Variants in BICRA observed in about 807,000 individuals in gnomAD.
BICRA encodes the protein BRD4 interacting chromatin remodeling complex associated protein, also known as BRD4-interacting chromatin-remodeling complex-associated protein.
A neutral mutation model predicts 96.9 loss-of-function variants in BICRA; 31 were observed. That is an observed-to-expected ratio of 0.32 (90% CI 0.24 to 0.43). The LOEUF is 0.43. Ranked by LOEUF, BICRA falls within the 20% of genes least tolerant of loss-of-function variation. The probability of loss-of-function intolerance (pLI) is 1.00; values close to 1 mark genes in which losing one functional copy is unlikely to be tolerated. For synonymous variants in BICRA, 1,350 were observed against 1,071.8 expected, an observed-to-expected ratio of 1.26 and a Z score of -5.07; for missense variants, 2,283 against 2,190.3, an observed-to-expected ratio of 1.04 and a Z score of -0.84.
At chr19:47,696,233 G>A (rs904144866) in intron 10 of BICRA, among the ~76,000 whole-genome samples, 18 of 152,106 alleles carry the variant, frequency 1.2e-4, no homozygotes, top group African/African-American at 4.3e-4. Context: ...CAGGGCTCCA[G>A]CCTGCCTGTC....
At position 47,680,096 on chromosome 19, in the gene BICRA, G is replaced by A; in HGVS notation, c.926G>A (p.Gly309Asp). ...CTCAATGGGAACTCTGTGTTCGGAG[G>A]CGCGGGGGCCGCCTCGGCTCCCACC... ...TTLNGNSVFG[G>D]AGAASAPTGT... Residue 309 changes from glycine (G) to aspartate (D), a missense_variant, in exon 6 of 15, where the codon GGC becomes GAC. Gly to Asp is a moderately conservative substitution (Grantham distance 94). Transcript: ENST00000594866. 6.4e-7 allele frequency: 1 copy of A among 1,551,504 alleles called. No homozygotes were observed. The highest frequency in any genetic ancestry group is 1.7e-4 in the Middle Eastern group (1 of 5,874).
chr19:47,631,314 G>T lies in BICRA; in HGVS notation c.-108+22146G>T, dbSNP rs529052414. On this transcript the variant is annotated intron_variant, in intron 1 of 14. Transcript: ENST00000594866. ...GCAATCTTGGCTCACTGCAACCTCC[G>T]CCTCCTGGGTTCAAGCAATGCTCCT... Among the ~76,000 whole-genome samples the T allele has an allele frequency of 3.3e-5, 5 of 152,150 alleles. 1 individual carries two copies. In the South Asian group the frequency reaches 8.3e-4, roughly 25 times the overall value.
At chr19:47,628,957 A>G (rs912546728) in intron 1 of BICRA, among the ~76,000 whole-genome samples, 1 of 151,788 alleles carries the variant, frequency 6.6e-6, no homozygotes, top group African/African-American at 2.4e-5. Flanking sequence ...TACTTTTATT[A>G]TGTAACAGAT....
chr19:47,614,140 CTG>C (rs976189967), intron 1 of BICRA, among the ~76,000 whole-genome samples: 17 of 152,004 alleles, frequency 1.1e-4, no homozygotes, highest in Non-Finnish European at 7.4e-5. Context: ...ATCTTTTTCT[CTG>C]TCTGCCTTTT....
chr19:47,652,712 G>A (rs149736770), intron 1 of BICRA, among the ~76,000 whole-genome samples: 78 of 152,178 alleles, frequency 5.1e-4, no homozygotes, highest in African/African-American at 1.8e-3. Flanking sequence ...TTTAGTTTTT[G>A]AGATGGCTAA....
Position 47,694,394 on chromosome 19 carries a change from C to A in BICRA, c.2563C>A (p.Pro855Thr). 1 of 1,105,840 alleles carries A rather than the reference C, an allele frequency of 9.0e-7. No homozygotes were observed. Among genetic ancestry groups the A allele is most frequent in the South Asian group, 1.3e-5 (1 of 75,536 alleles). The allele number at this position is 1,105,840 out of a possible 1,614,324, so 68.5% of individuals were successfully genotyped here. A position where few individuals can be genotyped will look rare whatever the true frequency, so the allele number is the denominator to read the frequency against. The part of the protein sequence containing the change: ...PPASNPAPTA[P>T]GPPQPPLRPQ... ...TGCCAGCAACCCGGCCCCTACTGCCCCAGGCCCGCCGCAGCCGCCTCTCCG... is the reference window on the plus strand; with the variant it reads ...TGCCAGCAACCCGGCCCCTACTGCCACAGGCCCGCCGCAGCCGCCTCTCCG... The change falls in exon 8 of 15, where the codon CCA (proline) becomes ACA (threonine). Residue 855 changes from proline to threonine, a missense_variant. By Grantham distance (38) the Pro-to-Thr change is conservative. Transcript: ENST00000594866.
At position 47,694,590 on chromosome 19, in the gene BICRA, C is replaced by T. The variant is rs758979288; in HGVS notation, c.2759C>T (p.Pro920Leu). The T allele has an allele frequency of 5.7e-6, 9 of 1,586,992 alleles. No homozygotes were observed. The South Asian group carries it at 8.8e-5, about 16-fold the overall frequency. ...CCCAGCCAGGGGCCCCACAAGTCCCCCACTCCCCCTCCAACCCTCCACCTG... is the reference window on the plus strand; with the variant it reads ...CCCAGCCAGGGGCCCCACAAGTCCCTCACTCCCCCTCCAACCCTCCACCTG... ...FPPSQGPHKSPTPPPTLHLVP... is the reference protein window; with the variant it reads ...FPPSQGPHKSLTPPPTLHLVP... The change falls in exon 8 of 15, where the codon CCC becomes CTC. Residue 920 changes from proline (P) to leucine (L), a missense_variant. Pro to Leu is a moderately conservative substitution (Grantham distance 98, BLOSUM62 -3). Transcript: ENST00000594866.
At chr19:47,683,761 T>C (rs1973102626) in intron 7 of BICRA, among the ~76,000 whole-genome samples, 1 of 152,158 alleles carries the variant, frequency 6.6e-6, no homozygotes, top group African/African-American at 2.4e-5. Flanking sequence ...ATTTTTTGTA[T>C]TTTTAGTAGA....
intron 2 of BICRA, 26 bp from the exon 3 acceptor site, chr19:47,673,544 C>T (rs1216365654): frequency 6.2e-7 from 1 of 1,603,726 alleles, no homozygotes; most frequent in Non-Finnish European, 8.5e-7. Flanking sequence ...TCTCCCTCGC[C>T]CTCTTCCTGA....
At chr19:47,615,600 G>A (rs1457273988) in intron 1 of BICRA, 3 of 99,416 alleles carry the variant, frequency 3.0e-5, no homozygotes, top group African/African-American at 9.4e-5. Flanking sequence ...GTTCATATCA[G>A]TACCTACTTG....
At chr19:47,646,100 A>G (rs954159479) in intron 1 of BICRA, among the ~76,000 whole-genome samples, 4 of 152,178 alleles carry the variant, frequency 2.6e-5, no homozygotes, top group Admixed American at 6.5e-5. Context: ...CCTGTCTCCA[A>G]AAAAAGAAAA....
chr19:47,645,189 G>C (rs531652586), intron 1 of BICRA, among the ~76,000 whole-genome samples: 1 of 152,244 alleles, frequency 6.6e-6, no homozygotes, highest in South Asian at 2.1e-4. Flanking sequence ...TACTTGTCTG[G>C]TCTCTTTCAG....
chr19:47,658,306 C>G (rs184606419), intron 1 of BICRA, among the ~76,000 whole-genome samples: 3 of 152,154 alleles, frequency 2.0e-5, no homozygotes, highest in East Asian at 3.9e-4. Context: ...TCGGTGGGAC[C>G]ACTTGGTCAG....
rs540023714 is a variant in BICRA at position 47,637,363 on chromosome 19, C to T, written c.-108+28195C>T. ...CTCAGTCTCTTGACCTTGTGATCCACCCACCTCAGCCTCCCAAAGTGCTGG... is the reference window on the plus strand; with the variant it reads ...CTCAGTCTCTTGACCTTGTGATCCATCCACCTCAGCCTCCCAAAGTGCTGG... On this transcript the variant is annotated intron_variant, in intron 1 of 14. Coordinates refer to ENST00000594866, the MANE Select transcript of BICRA (RefSeq NM_001394372.1). Among the ~76,000 whole-genome samples the T allele has an allele frequency of 8.6e-3, 1,315 of 152,114 alleles. 11 individuals carry two copies. Among genetic ancestry groups the T allele is most frequent in the Non-Finnish European group, 0.012 (809 of 68,002 alleles).
Position 47,680,351 on chromosome 19 carries a change from C to T in BICRA, c.1181C>T (p.Pro394Leu). The change falls in exon 6 of 15, where the codon CCG becomes CTG. Residue 394 changes from proline to leucine, a missense_variant. Pro to Leu is a moderately conservative substitution (Grantham distance 98, BLOSUM62 -3). Transcript: ENST00000594866. ...GCGCTCCCGCAGCAGCCCAAGGCCC[C>T]GCAGAACCTGACGTTCATGGCGGCG... ...PGALPQQPKA[P>L]QNLTFMAAGK... The T allele has an allele frequency of 6.5e-7, 1 of 1,531,544 alleles. No individual in the cohort carries two copies. Among genetic ancestry groups the T allele is most frequent in the Non-Finnish European group, 8.7e-7 (1 of 1,144,782 alleles). The allele number at this position is 1,531,544 out of a possible 1,614,324, so 94.9% of individuals were successfully genotyped here.
At chr19:47,689,492 G>C (rs1478085590) in intron 7 of BICRA, among the ~76,000 whole-genome samples, 1 of 152,000 alleles carries the variant, frequency 6.6e-6, no homozygotes, top group African/African-American at 2.4e-5. Flanking sequence ...CTCACTGCAA[G>C]CTACGCCTGC....
chr19:47,665,181 T>A (rs1301574729), intron 1 of BICRA, among the ~76,000 whole-genome samples: 1 of 152,024 alleles, frequency 6.6e-6, no homozygotes, highest in Non-Finnish European at 1.5e-5. Context: ...CCTTTTGCTG[T>A]CCTCAGCACC....
At chr19:47,670,236 G>A (rs768831374) in intron 1 of BICRA, among the ~76,000 whole-genome samples, 8 of 152,160 alleles carry the variant, frequency 5.3e-5, no homozygotes, top group Admixed American at 3.9e-4. Flanking sequence ...TTACAGGCGT[G>A]AGCCACCGCG....
chr19:47,634,813 A>G (rs1972275140), intron 1 of BICRA, among the ~76,000 whole-genome samples: 1 of 130,648 alleles, frequency 7.7e-6, no homozygotes, highest in Non-Finnish European at 1.5e-5. Context: ...CCCAGGCTGG[A>G]GTGCAGTGGC....
Sources: allele counts gnomAD v4.1 joint callset (sites outside exome capture counted in the v4.1 genomes callset), GRCh38; gene constraint gnomAD v4.1.1; transcripts MANE v1.5; gene names NCBI Gene and HGNC (gene_info 2026-07-23, HGNC 2026-07-21).